The following PKP2 variants were observed in gnomAD, a reference collection of about 807,000 sequenced individuals.
PKP2 encodes plakophilin 2.
Under a neutral mutation model 83.4 loss-of-function variants are expected in PKP2, and 73 were observed. The observed-to-expected ratio is 0.88, with a 90% CI of 0.72 to 1.06. The LOEUF is 1.06. Among genes scored for constraint, PKP2 ranks in the 50% least tolerant of loss-of-function variants. PKP2 has a pLI of 0.00. For missense variants in PKP2, 966 were observed against 1,065.4 expected, an observed-to-expected ratio of 0.91 and a Z score of 1.30; for synonymous variants, 409 against 430.4, an observed-to-expected ratio of 0.95 and a Z score of 0.62.
chr12:32,853,314 A>G (rs1280647579), intron 4 of PKP2, among the ~76,000 whole-genome samples: 1 of 151,886 alleles, frequency 6.6e-6, no homozygotes, highest in African/African-American at 2.4e-5. Flanking sequence ...CCAAAATCTG[A>G]AAAACCCTAA....
intron 1 of PKP2, among the ~76,000 whole-genome samples, chr12:32,879,974 G>A (rs922400682): frequency 4.0e-5 from 6 of 151,878 alleles, no homozygotes; most frequent in African/African-American, 1.5e-4. Flanking sequence ...TTAGCTGGTC[G>A]AGACTATAAA....
intron 9 of PKP2, among the ~76,000 whole-genome samples, chr12:32,816,865 G>T (rs1407742533): frequency 1.3e-5 from 2 of 152,084 alleles, no homozygotes; most frequent in African/African-American, 4.8e-5. Context: ...TTTCATGTTT[G>T]TTGGCCACTG....
Position 32,792,134 on chromosome 12 carries a change from C to T in PKP2, c.*290G>A. On this transcript the variant is annotated 3_prime_UTR_variant, in exon 13 of 13. Coordinates refer to ENST00000340811, the MANE Select transcript of PKP2 (RefSeq NM_001005242.3). ...TTTCCTTATTTATTGGATTAATGTC[C>T]CTTCCACATGAATTCACATTTTGAT... 1 of 449,260 alleles carries T rather than the reference C, an allele frequency of 2.2e-6. No individual in the cohort carries two copies. Among genetic ancestry groups the T allele is most frequent in the South Asian group, 2.3e-5 (1 of 43,752 alleles). The allele number at this position is 449,260 out of a possible 1,614,324, so 27.8% of individuals were successfully genotyped here. A position where few individuals can be genotyped will look rare whatever the true frequency, so the allele number is the denominator to read the frequency against.
At chr12:32,852,365 T>C (rs1734798684) in intron 4 of PKP2, among the ~76,000 whole-genome samples, 1 of 152,162 alleles carries the variant, frequency 6.6e-6, no homozygotes, top group Admixed American at 6.5e-5. Flanking sequence ...CATAGACAGG[T>C]AAATGGTATT....
chr12:32,800,049 CCT>C (rs1246338060), intron 10 of PKP2, among the ~76,000 whole-genome samples: 2 of 150,556 alleles, frequency 1.3e-5, no homozygotes, highest in Non-Finnish European at 2.9e-5. Context: ...TGTATGTTTT[CCT>C]CTTTTTCCTC....
In PKP2 at chr12:32,821,513, G is replaced by T. The variant is rs1056066633; in HGVS notation, c.1856C>A (p.Pro619Gln). The T allele has an allele frequency of 1.2e-6, 2 of 1,613,796 alleles. No individual in the cohort carries two copies. Reference sequence around the variant, plus strand: ...GGGGTTGCTCTTTTCCTCCGGCATCGGCACGTCCTGGTATTGCTGACCACA... The same window carrying T: ...GGGGTTGCTCTTTTCCTCCGGCATCTGCACGTCCTGGTATTGCTGACCACA... Reference protein sequence around the residue: ...RKVKEQYQDVPMPEEKSNPKG... With the variant: ...RKVKEQYQDVQMPEEKSNPKG... The change falls in exon 9 of 13, where the codon CCG becomes CAG. Residue 619 changes from proline to glutamine, a missense_variant. Pro to Gln is a moderately conservative substitution (Grantham distance 76). Transcript: ENST00000340811.
intron 1 of PKP2, among the ~76,000 whole-genome samples, chr12:32,885,220 C>A (rs1467395723): frequency 4.6e-5 from 7 of 152,112 alleles, no homozygotes; most frequent in African/African-American, 1.4e-4. Flanking sequence ...CGTCACAGGA[C>A]AATGTAATTT....
chr12:32,822,526 G>A lies in PKP2; in HGVS notation c.1780C>T (p.Gln594Ter), dbSNP rs397517012. The A allele has an allele frequency of 1.9e-6, 3 of 1,613,908 alleles. No individual in the cohort carries two copies. Among genetic ancestry groups the A allele is most frequent in the Non-Finnish European group, 2.5e-6 (3 of 1,179,952 alleles). Residue 594 changes from glutamine to a stop codon, truncating the protein, a stop_gained, in exon 8 of 13, where the codon CAG becomes TAG. Coordinates refer to ENST00000340811, the MANE Select transcript of PKP2 (RefSeq NM_001005242.3). LOFTEE classifies it high-confidence loss of function. ...QNIYIQNRNI[Q>*]TDNNKSIGCF... ...CCAATACTTTTGTTGTTGTCAGTCT[G>A]GATATTCCGGTTTTGAATATAGATA...
intron 4 of PKP2, among the ~76,000 whole-genome samples, chr12:32,858,742 AGAACT>A (rs560244209): frequency 3.4e-3 from 518 of 152,350 alleles, no homozygotes; most frequent in Middle Eastern, 6.8e-3. Context: ...TAATAGGTAA[AGAACT>A]GTAAGTCATT....
chr12:32,844,239 G>T (rs1332829327), intron 5 of PKP2, among the ~76,000 whole-genome samples: 2 of 152,124 alleles, frequency 1.3e-5, no homozygotes, highest in Non-Finnish European at 2.9e-5. Context: ...AGCTGTGAAA[G>T]AACTAAGATG....
At chr12:32,862,828 AC>A (rs1956812736) in intron 4 of PKP2, among the ~76,000 whole-genome samples, 1 of 148,658 alleles carries the variant, frequency 6.7e-6, no homozygotes, top group Non-Finnish European at 1.5e-5. Flanking sequence ...GCAAAACCCT[AC>A]CTCTACTAAA....
At chr12:32,842,328 C>T (rs117443606) in intron 5 of PKP2, among the ~76,000 whole-genome samples, 7,342 of 152,090 alleles carry the variant, frequency 0.048, 202 homozygotes, top group Non-Finnish European at 0.065. Context: ...TTGCAATCTC[C>T]ACCTCCCAGG....
chr12:32,892,144 C>A (rs570622708), intron 1 of PKP2, among the ~76,000 whole-genome samples: 73 of 152,048 alleles, frequency 4.8e-4, no homozygotes, highest in Non-Finnish European at 8.7e-4. Context: ...ACTTTCTGAA[C>A]GATTAGTCAC....
intron 6 of PKP2, among the ~76,000 whole-genome samples, chr12:32,825,314 G>A (rs545548716): frequency 5.3e-5 from 8 of 151,864 alleles, no homozygotes; most frequent in African/African-American, 1.7e-4. Context: ...GACTACAGGC[G>A]TGCGTCACTA....
intron 4 of PKP2, chr12:32,863,172 G>T: frequency 5.1e-6 from 1 of 196,008 alleles, no homozygotes. Context: ...GAACAAAAGG[G>T]AACACATCTC....
chr12:32,796,245 T>C lies in PKP2; in HGVS notation c.2221A>G (p.Thr741Ala), dbSNP rs765782274. Reference sequence around the variant, plus strand: ...GCTGTAGTTTCAATGAGAAGGTCAGTACTCGGGACTGTGTCAGGAATGATG... The same window carrying C: ...GCTGTAGTTTCAATGAGAAGGTCAGCACTCGGGACTGTGTCAGGAATGATG... ...VSIIPDTVPS[T>A]DLLIETTASA... The change falls in exon 11 of 13, where the codon ACT becomes GCT. Residue 741 changes from threonine to alanine, a missense_variant. Coordinates refer to ENST00000340811, the MANE Select transcript of PKP2 (RefSeq NM_001005242.3). The C allele has an allele frequency of 3.1e-6, 5 of 1,613,586 alleles. No homozygotes were observed. In the South Asian group the frequency reaches 4.4e-5, roughly 14 times the overall value.
chr12:32,893,853 T>G (rs1281345635), intron 1 of PKP2: 2 of 151,950 alleles, frequency 1.3e-5, no homozygotes, highest in African/African-American at 2.4e-5. Context: ...TCCTACTGAA[T>G]TTTTGAGATC....
chr12:32,829,726 T>G (rs963583852), intron 6 of PKP2, among the ~76,000 whole-genome samples: 5 of 151,904 alleles, frequency 3.3e-5, no homozygotes, highest in African/African-American at 1.2e-4. Context: ...AGTGGCGAAA[T>G]CTTGGCTCAC....
chr12:32,792,515 C>T (rs746379145), intron 12 of PKP2, 23 bp from the exon 13 acceptor site: 8 of 1,607,566 alleles, frequency 5.0e-6, no homozygotes, highest in East Asian at 4.5e-5. Flanking sequence ...CAAACAGAAA[C>T]GTGAAAGGTA....
Sources: allele counts gnomAD v4.1 joint callset (sites outside exome capture counted in the v4.1 genomes callset), GRCh38; gene constraint gnomAD v4.1.1; transcripts MANE v1.5; gene names NCBI Gene and HGNC (gene_info 2026-07-23, HGNC 2026-07-21).